Variants in GPC5 observed in about 807,000 individuals in gnomAD.
The protein encoded by GPC5 is glypican-5.
A neutral mutation model predicts 53.9 loss-of-function variants in GPC5; 47 were observed. That is an observed-to-expected ratio of 0.87 (90% CI 0.69 to 1.11). The LOEUF is 1.11. Ranked by LOEUF, GPC5 falls within the 50% of genes most tolerant of loss-of-function variation. GPC5 has a pLI of 0.00. For missense variants in GPC5, 748 were observed against 713.1 expected, an observed-to-expected ratio of 1.05 and a Z score of -0.56; for synonymous variants, 286 against 263.3, an observed-to-expected ratio of 1.09 and a Z score of -0.84.
intron 1 of GPC5, among the ~76,000 whole-genome samples, chr13:91,420,280 A>G (rs1380273624): frequency 2.0e-5 from 3 of 152,076 alleles, no homozygotes; most frequent in Non-Finnish European, 2.9e-5. Flanking sequence ...TATTTTTGCC[A>G]TGTAAATTAT....
intron 7 of GPC5, among the ~76,000 whole-genome samples, chr13:92,845,759 C>T (rs756596255): frequency 2.0e-5 from 3 of 152,120 alleles, no homozygotes; most frequent in Non-Finnish European, 4.4e-5. Context: ...GACAGGATGA[C>T]AAAATCATCC....
rs529558575 is a variant in GPC5, at chr13:92,699,062, T to A, written c.1562-167220T>A. Among the ~76,000 whole-genome samples, 324 of 152,242 alleles carry A rather than the reference T, an allele frequency of 2.1e-3. 1 individual carries two copies. Among genetic ancestry groups the A allele is most frequent in the South Asian group, 4.1e-3 (20 of 4,828 alleles). ...TGTGAATCCGTCTGGTCCTAGACTT[T>A]TTTTTTGGTTGGTAGGCTATTAATT... On this transcript the variant is annotated intron_variant, in intron 7 of 7. Coordinates refer to ENST00000377067, the MANE Select transcript of GPC5 (RefSeq NM_004466.6).
chr13:91,854,964 G>A (rs1162224466), intron 5 of GPC5, among the ~76,000 whole-genome samples: 1 of 151,508 alleles, frequency 6.6e-6, no homozygotes, highest in African/African-American at 2.4e-5. Flanking sequence ...TCTCTAAGAT[G>A]TTCACTATTT....
intron 1 of GPC5, among the ~76,000 whole-genome samples, chr13:91,445,538 G>A (rs1301963061): frequency 1.3e-5 from 2 of 152,180 alleles, no homozygotes; most frequent in Non-Finnish European, 2.9e-5. Context: ...GCAGTGGCAC[G>A]ATCTCGGCTC....
intron 4 of GPC5, among the ~76,000 whole-genome samples, chr13:91,740,958 A>G (rs966598651): frequency 6.6e-6 from 1 of 152,176 alleles, no homozygotes; most frequent in African/African-American, 2.4e-5. Flanking sequence ...CCAGGACAAT[A>G]AATTAAGATG....
At chr13:91,707,191 C>T (rs1337242199) in intron 3 of GPC5, among the ~76,000 whole-genome samples, 2 of 152,018 alleles carry the variant, frequency 1.3e-5, no homozygotes, top group Non-Finnish European at 2.9e-5. Context: ...GGCATACACA[C>T]TCTCCAAAGA....
intron 7 of GPC5, among the ~76,000 whole-genome samples, chr13:92,192,735 T>G (rs1251012323): frequency 6.6e-6 from 1 of 152,224 alleles, no homozygotes; most frequent in Non-Finnish European, 1.5e-5. Context: ...TGCCCACGTA[T>G]GGGATTGCAG....
chr13:91,500,938 G>T (rs868517391), intron 2 of GPC5, among the ~76,000 whole-genome samples: 2 of 152,016 alleles, frequency 1.3e-5, no homozygotes, highest in African/African-American at 4.8e-5. Context: ...AACCCCTTTC[G>T]CTTGGTTCTC....
rs577267405 is a variant in GPC5 at position 92,731,838 on chromosome 13, T to C, written c.1562-134444T>C. Among the ~76,000 whole-genome samples the C allele has an allele frequency of 3.3e-5, 5 of 151,516 alleles. No individual in the cohort carries two copies. In the East Asian group the frequency reaches 9.7e-4, roughly 29 times the overall value. ...AACAGATTATTAATATAAATGGGTG[T>C]TGAGTGACAGTTGGAATCATAGCAT... On this transcript the variant is annotated intron_variant, in intron 7 of 7. Coordinates refer to ENST00000377067, the MANE Select transcript of GPC5 (RefSeq NM_004466.6).
intron 7 of GPC5, among the ~76,000 whole-genome samples, chr13:92,461,328 T>G (rs1336950879): frequency 6.6e-6 from 1 of 152,170 alleles, no homozygotes; most frequent in African/African-American, 2.4e-5. Flanking sequence ...AATAATGGAA[T>G]GGACAGAAGT....
At chr13:91,578,799 A>G (rs1279072913) in intron 2 of GPC5, among the ~76,000 whole-genome samples, 2 of 151,986 alleles carry the variant, frequency 1.3e-5, no homozygotes, top group Non-Finnish European at 2.9e-5. Flanking sequence ...TAATCCTAAC[A>G]CTTTGGGAGG....
At chr13:92,383,301 TA>T (rs1183474884) in intron 7 of GPC5, among the ~76,000 whole-genome samples, 1 of 152,170 alleles carries the variant, frequency 6.6e-6, no homozygotes, top group Non-Finnish European at 1.5e-5. Context: ...CATATGCTCA[TA>T]AAATGATTAT....
intron 7 of GPC5, among the ~76,000 whole-genome samples, chr13:92,188,503 T>A (rs1453016367): frequency 2.0e-5 from 3 of 152,152 alleles, no homozygotes; most frequent in African/African-American, 7.2e-5. Flanking sequence ...TGATTTTGAA[T>A]AAATAGTTTT....
intron 7 of GPC5, among the ~76,000 whole-genome samples, chr13:92,406,542 T>C (rs1339769566): frequency 6.6e-6 from 1 of 152,164 alleles, no homozygotes; most frequent in Admixed American, 6.6e-5. Context: ...ATGAGCCAGG[T>C]GCTCTGCTCC....
intron 7 of GPC5, among the ~76,000 whole-genome samples, chr13:92,677,890 C>CCATA (rs1566359459): frequency 6.6e-6 from 1 of 151,988 alleles, no homozygotes; most frequent in African/African-American, 2.4e-5. Flanking sequence ...TCGGTGGGTC[C>CCATA]CATAGGGTTG....
chr13:92,358,285 G>T (rs1374656793), intron 7 of GPC5, among the ~76,000 whole-genome samples: 1 of 151,672 alleles, frequency 6.6e-6, no homozygotes. Context: ...TACAAGGGGT[G>T]GGCTCCCAAG....
intron 3 of GPC5, among the ~76,000 whole-genome samples, chr13:91,712,596 T>C (rs2036250928): frequency 6.6e-6 from 1 of 152,122 alleles, no homozygotes; most frequent in African/African-American, 2.4e-5. Flanking sequence ...TGATAGAGTG[T>C]CCTTCATTCA....
At chr13:91,961,135 G>T (rs1202031154) in intron 6 of GPC5, among the ~76,000 whole-genome samples, 1 of 151,908 alleles carries the variant, frequency 6.6e-6, no homozygotes, top group Non-Finnish European at 1.5e-5. Flanking sequence ...GAAAATATTT[G>T]CCAACTATTG....
intron 7 of GPC5, among the ~76,000 whole-genome samples, chr13:92,319,173 G>GTGGA (rs961112238): frequency 2.0e-5 from 3 of 152,256 alleles, no homozygotes; most frequent in African/African-American, 7.2e-5. Flanking sequence ...TGTCATTAAA[G>GTGGA]TGGAAATAAT....
Sources: gnomAD v4.1 joint callset for allele counts (sites outside exome capture counted in the v4.1 genomes callset) on GRCh38, gnomAD v4.1.1 for gene constraint, MANE v1.5 for transcripts, NCBI Gene and HGNC (gene_info 2026-07-23, HGNC 2026-07-21) for gene names.